NEGR1: variants seen among roughly 807,000 people sequenced by gnomAD.
NEGR1 encodes the protein neuronal growth regulator 1.
In NEGR1, 10 loss-of-function variants were observed where a neutral mutation model predicts 40.9. That is an observed-to-expected ratio of 0.24 (90% CI 0.15 to 0.42). NEGR1 has a LOEUF of 0.42. Ranked by LOEUF, NEGR1 falls within the 10% of genes least tolerant of loss-of-function variation. NEGR1 has a pLI of 1.00. For missense variants in NEGR1, 352 were observed against 438.9 expected (o/e 0.80, Z 1.77); for synonymous variants, 185 against 166.8 (o/e 1.11, Z -0.84).
intron 1 of NEGR1, among the ~76,000 whole-genome samples, chr1:71,947,186 A>G (rs1646029975): frequency 1.3e-5 from 2 of 148,416 alleles, no homozygotes; most frequent in Admixed American, 6.8e-5. Context: ...TTATATATAT[A>G]AATCATATAT....
intron 4 of NEGR1, among the ~76,000 whole-genome samples, chr1:71,624,022 A>G (rs1650690199): frequency 6.6e-6 from 1 of 151,900 alleles, no homozygotes; most frequent in African/African-American, 2.4e-5. Context: ...ATACATACAC[A>G]TTTTGCTCAG....
At chr1:72,110,086 T>C (rs1286054598) in intron 1 of NEGR1, among the ~76,000 whole-genome samples, 6 of 151,444 alleles carry the variant, frequency 4.0e-5, no homozygotes, top group Non-Finnish European at 5.9e-5. Flanking sequence ...CATGCAACTG[T>C]AAAACATCAG....
chr1:71,514,129 C>T (rs28579862), intron 6 of NEGR1, among the ~76,000 whole-genome samples: 2,395 of 145,446 alleles, frequency 0.016, 29 homozygotes, highest in African/African-American at 0.059. Flanking sequence ...AACTGCAAGG[C>T]GGCAACGAGG....
chr1:72,104,783 TCTC>T (rs1649073197), intron 1 of NEGR1, among the ~76,000 whole-genome samples: 1 of 152,116 alleles, frequency 6.6e-6, no homozygotes, highest in Non-Finnish European at 1.5e-5. Flanking sequence ...TGCCTTTGTA[TCTC>T]ATTGCTTAGC....
intron 1 of NEGR1, among the ~76,000 whole-genome samples, chr1:72,128,363 A>C (rs1650111026): frequency 6.6e-6 from 1 of 152,188 alleles, no homozygotes; most frequent in Non-Finnish European, 1.5e-5. Context: ...AAAGTATTAA[A>C]GTGCAGCAAT....
chr1:72,158,538 C>T (rs1651442743), intron 1 of NEGR1, among the ~76,000 whole-genome samples: 1 of 152,154 alleles, frequency 6.6e-6, no homozygotes, highest in Admixed American at 6.6e-5. Flanking sequence ...ACCAGCTCCA[C>T]TCAACAGATC....
At chr1:71,601,086 T>A (rs1289446426) in intron 5 of NEGR1, among the ~76,000 whole-genome samples, 1 of 152,192 alleles carries the variant, frequency 6.6e-6, no homozygotes, top group African/African-American at 2.4e-5. Context: ...AATACTACCT[T>A]TCTTCTCTCT....
At chr1:71,838,244 C>T (rs548449930) in intron 2 of NEGR1, among the ~76,000 whole-genome samples, 3 of 152,138 alleles carry the variant, frequency 2.0e-5, no homozygotes, top group South Asian at 2.1e-4. Flanking sequence ...AGAGGTTAGA[C>T]GCCAAAGGCA....
intron 1 of NEGR1, among the ~76,000 whole-genome samples, chr1:72,230,793 T>G (rs1654339210): frequency 6.6e-6 from 1 of 152,178 alleles, no homozygotes; most frequent in African/African-American, 2.4e-5. Flanking sequence ...CACGCTCTTG[T>G]TTTAGCCTCC....
intron 1 of NEGR1, among the ~76,000 whole-genome samples, chr1:72,237,375 T>C (rs1654583094): frequency 6.6e-6 from 1 of 151,930 alleles, no homozygotes. Context: ...GGGTAGCTTA[T>C]AAAAACACTT....
At chr1:71,817,635 T>C (rs550760553) in intron 2 of NEGR1, among the ~76,000 whole-genome samples, 1 of 150,956 alleles carries the variant, frequency 6.6e-6, no homozygotes, top group African/African-American at 2.5e-5. Context: ...GACTGATCAC[T>C]AGTAAGGAGG....
chr1:71,760,345 A>G (rs1557642048), intron 3 of NEGR1, among the ~76,000 whole-genome samples: 1 of 152,196 alleles, frequency 6.6e-6, no homozygotes, highest in Non-Finnish European at 1.5e-5. Flanking sequence ...CACAGGTATT[A>G]ACAGCTCTGA....
chr1:71,806,227 A>G (rs577231624), intron 2 of NEGR1, among the ~76,000 whole-genome samples: 1 of 151,936 alleles, frequency 6.6e-6, no homozygotes, highest in African/African-American at 2.4e-5. Flanking sequence ...GTTATATTAA[A>G]TTTTTTAAGA....
intron 1 of NEGR1, among the ~76,000 whole-genome samples, chr1:72,155,777 TGAC>T (rs1227512998): frequency 2.0e-5 from 3 of 152,104 alleles, no homozygotes; most frequent in African/African-American, 4.8e-5. Flanking sequence ...AAAATGGGGA[TGAC>T]GACAAGTACT....
intron 1 of NEGR1, among the ~76,000 whole-genome samples, chr1:72,077,371 C>T (rs1426173451): frequency 6.6e-6 from 1 of 152,116 alleles, no homozygotes; most frequent in African/African-American, 2.4e-5. Flanking sequence ...CCAATGTTAA[C>T]TGAACCACAT....
chr1:72,105,490 G>A (rs1202958274), intron 1 of NEGR1, among the ~76,000 whole-genome samples: 5 of 151,858 alleles, frequency 3.3e-5, no homozygotes, highest in Non-Finnish European at 7.4e-5. Flanking sequence ...GATTGCTTGG[G>A]CCCAGGAGTT....
chr1:71,427,780 C>T (rs1036401915), intron 6 of NEGR1, among the ~76,000 whole-genome samples: 3 of 152,014 alleles, frequency 2.0e-5, no homozygotes, highest in African/African-American at 7.2e-5. Context: ...TAAAATAACA[C>T]AATATTCCAT....
intron 5 of NEGR1, among the ~76,000 whole-genome samples, chr1:71,608,046 A>C (rs917519907): frequency 6.6e-6 from 1 of 152,228 alleles, no homozygotes. Flanking sequence ...GTGAATCTGC[A>C]TAGTGAGCGC....
chr1:71,917,811 T>C (rs1213502739), intron 2 of NEGR1, among the ~76,000 whole-genome samples: 2 of 147,674 alleles, frequency 1.4e-5, no homozygotes, highest in Non-Finnish European at 3.0e-5. Context: ...AAGTCATATA[T>C]ATTTTGGAAG....
Sources: allele counts gnomAD v4.1 joint callset (sites outside exome capture counted in the v4.1 genomes callset), GRCh38; gene constraint gnomAD v4.1.1; transcripts MANE v1.5; gene names NCBI Gene and HGNC (gene_info 2026-07-23, HGNC 2026-07-21).